Variants in GPM6B observed in about 807,000 individuals in gnomAD.
The protein encoded by GPM6B is neuronal membrane glycoprotein M6-b.
GPM6B carries 4 observed loss-of-function variants against 27.2 expected under a neutral mutation model. The ratio of observed to expected loss-of-function variants is 0.15; its 90% CI spans 0.07 to 0.34. The LOEUF (loss-of-function observed/expected upper bound fraction) is 0.34, where lower values mean the gene tolerates loss of function less well. GPM6B is among the 10% of genes least tolerant of loss of function. The pLI is 1.00. For synonymous variants in GPM6B, 124 were observed against 103.1 expected (o/e 1.20, Z -1.23); for missense variants, 183 against 261.9 (o/e 0.70, Z 2.08).
chrX:13,909,367 G>A (rs1260499484), intron 1 of GPM6B, among the ~76,000 whole-genome samples: 3 of 110,258 alleles, frequency 2.7e-5, no homozygotes, highest in African/African-American at 6.6e-5. Flanking sequence ...CAAGTAATCC[G>A]CCTGCCCACC....
At chrX:13,865,294 A>G (rs967699249) in intron 1 of GPM6B, among the ~76,000 whole-genome samples, 11 of 110,194 alleles carry the variant, frequency 1.0e-4, no homozygotes, top group African/African-American at 3.3e-4. Context: ...TAAACTCACT[A>G]GCTCACAAGG....
At chrX:13,827,345 C>T (rs971342355) in intron 1 of GPM6B, among the ~76,000 whole-genome samples, 1 of 98,952 alleles carries the variant, frequency 1.0e-5, no homozygotes, top group African/African-American at 3.8e-5. Context: ...TGCAGTGGTG[C>T]GATCATGGAT....
intron 1 of GPM6B, among the ~76,000 whole-genome samples, chrX:13,839,333 T>C (rs943770290): frequency 1.0e-5 from 1 of 95,537 alleles, no homozygotes; most frequent in Non-Finnish European, 2.2e-5. Context: ...CTTACATGTA[T>C]TGATTGATGT....
chrX:13,791,162 T>C (rs1246105351), intron 2 of GPM6B, among the ~76,000 whole-genome samples: 3 of 111,875 alleles, frequency 2.7e-5, no homozygotes, highest in Admixed American at 1.9e-4. Context: ...ATTTTTTTGA[T>C]GACTGTGATG....
At chrX:13,808,043 A>G (rs2147180102) in intron 1 of GPM6B, among the ~76,000 whole-genome samples, 1 of 112,323 alleles carries the variant, frequency 8.9e-6, no homozygotes, top group African/African-American at 3.2e-5. Context: ...TGGGGAAGAT[A>G]CTATTTATAG....
chrX:13,787,079 T>G (rs1395212281), intron 2 of GPM6B, among the ~76,000 whole-genome samples: 6 of 67,817 alleles, frequency 8.8e-5, no homozygotes, highest in African/African-American at 3.9e-4. Flanking sequence ...ATCCCCCAAA[T>G]GGTCTTCATA....
intron 1 of GPM6B, among the ~76,000 whole-genome samples, chrX:13,888,506 A>C (rs1241371723): frequency 8.9e-6 from 1 of 111,955 alleles, no homozygotes; most frequent in Non-Finnish European, 1.9e-5. Context: ...GGCTCTGTGC[A>C]CACTGCCGCA....
intron 2 of GPM6B, among the ~76,000 whole-genome samples, chrX:13,798,701 C>T (rs1192850562): frequency 8.9e-6 from 1 of 112,665 alleles, no homozygotes; most frequent in Non-Finnish European, 1.9e-5. Flanking sequence ...CAAAGCTACC[C>T]CATGGACTTC....
intron 1 of GPM6B, among the ~76,000 whole-genome samples, chrX:13,858,209 A>G (rs925356328): frequency 1.3e-4 from 15 of 111,929 alleles, no homozygotes; most frequent in African/African-American, 4.9e-4. Flanking sequence ...TCAGCATTGA[A>G]TATTTGTGCC....
In GPM6B at chrX:13,883,885, A is replaced by G. The variant is rs148897400; in HGVS notation, c.-198+54442T>C. ...AAAAAAATTTTAAACATATTGTTAAATTAATTTCACGGCCAGGCGTGGTAG... is the reference window on the plus strand; with the variant it reads ...AAAAAAATTTTAAACATATTGTTAAGTTAATTTCACGGCCAGGCGTGGTAG... On this transcript the variant is annotated intron_variant, in intron 1 of 6. Transcript: ENST00000398361. Among the ~76,000 whole-genome samples the G allele has an allele frequency of 1.6e-3, 180 of 110,691 alleles. 1 individual carries two copies. Among genetic ancestry groups the G allele is most frequent in the African/African-American group, 5.6e-3 (171 of 30,321 alleles).
At chrX:13,811,988 C>T (rs191345139) in intron 1 of GPM6B, among the ~76,000 whole-genome samples, 474 of 108,636 alleles carry the variant, frequency 4.4e-3, no homozygotes, top group Non-Finnish European at 6.6e-3. Context: ...ACTCCTGTAA[C>T]GTGAGCTGAA....
upstream of GPM6B, chrX:13,817,299 CGA>C: frequency 1.3e-6 from 1 of 769,096 alleles, no homozygotes; most frequent in Non-Finnish European, 1.5e-6. Context: ...ATCTCAATCT[CGA>C]TCTCTCTCTC....
intron 1 of GPM6B, among the ~76,000 whole-genome samples, chrX:13,835,471 G>GGT (rs1358333801): frequency 1.8e-5 from 2 of 111,174 alleles, no homozygotes; most frequent in East Asian, 5.6e-4. Flanking sequence ...TTTTTTGGGG[G>GGT]GTGTCCTAGA....
chrX:13,840,590 A>T (rs1284051253), intron 1 of GPM6B, among the ~76,000 whole-genome samples: 1 of 111,565 alleles, frequency 9.0e-6, no homozygotes, highest in Non-Finnish European at 1.9e-5. Context: ...GTAAGAAGGA[A>T]TTCCTCCACC....
At chrX:13,886,742 A>AAAAAAAAAAAAAAAC (rs2050140386) in intron 1 of GPM6B, among the ~76,000 whole-genome samples, 1 of 103,555 alleles carries the variant, frequency 9.7e-6, no homozygotes. Context: ...AAAAAAAAAA[A>AAAAAAAAAAAAAAAC]TCTAGAAACT....
intron 1 of GPM6B, among the ~76,000 whole-genome samples, chrX:13,862,138 C>T (rs958329219): frequency 9.0e-6 from 1 of 111,074 alleles, no homozygotes. Context: ...AAAAATGCCA[C>T]GGTCTATTAA....
intron 3 of GPM6B, 51 bp from the exon 4 acceptor site, chrX:13,783,572 G>A (rs765998165): frequency 2.9e-6 from 3 of 1,040,173 alleles, no homozygotes; most frequent in Non-Finnish European, 4.0e-6. Flanking sequence ...GCCTGGTAGT[G>A]ACTACGTTTC....
At chrX:13,933,477 C>T (rs73197744) in intron 1 of GPM6B, among the ~76,000 whole-genome samples, 2,879 of 111,992 alleles carry the variant, frequency 0.026, 40 homozygotes, top group Admixed American at 0.046. Flanking sequence ...TATGTATGTA[C>T]TGCTTCTCCC....
chrX:13,866,633 T>A (rs1310536666), intron 1 of GPM6B, among the ~76,000 whole-genome samples: 1 of 111,244 alleles, frequency 9.0e-6, no homozygotes, highest in Admixed American at 9.5e-5. Flanking sequence ...TTATTACATG[T>A]CAATTAAATA....
Sources: gnomAD v4.1 joint callset for allele counts (sites outside exome capture counted in the v4.1 genomes callset) on GRCh38, gnomAD v4.1.1 for gene constraint, MANE v1.5 for transcripts, NCBI Gene and HGNC (gene_info 2026-07-23, HGNC 2026-07-21) for gene names.